HFM1: variants seen among roughly 807,000 people sequenced by gnomAD.
HFM1 encodes helicase for meiosis 1, also known as probable ATP-dependent DNA helicase HFM1.
In HFM1, 169 loss-of-function variants were observed where a neutral mutation model predicts 192.1. The ratio of observed to expected loss-of-function variants is 0.88; its 90% CI spans 0.78 to 1.00. HFM1 has a LOEUF of 1.00. Among genes scored for constraint, HFM1 ranks in the 50% least tolerant of loss-of-function variants. The pLI is 0.00. For synonymous variants in HFM1, 525 were observed against 537.8 expected (o/e 0.98, Z 0.33); for missense variants, 1,661 against 1,668.0 (o/e 1.00, Z 0.07).
At chr1:91,385,165 T>C in intron 6 of HFM1, 22 bp downstream of exon 6, 2 of 1,370,256 alleles carry the variant, frequency 1.5e-6, no homozygotes, top group South Asian at 1.3e-5. Context: ...AAAGCAGCTA[T>C]TGTAAATAAC....
chr1:91,341,626 C>T (rs547138283), intron 20 of HFM1, among the ~76,000 whole-genome samples: 1 of 152,048 alleles, frequency 6.6e-6, no homozygotes, highest in African/African-American at 2.4e-5. Context: ...CAGAACCACA[C>T]AAATGATCAA....
At chr1:91,277,101 C>A (rs773478839) in intron 30 of HFM1, 39 bp from the exon 31 acceptor site, 2 of 1,026,944 alleles carry the variant, frequency 1.9e-6, no homozygotes, top group East Asian at 2.5e-5. Flanking sequence ...TTTGTCACTA[C>A]ATTTATTATT....
chr1:91,316,571 AAT>A, intron 25 of HFM1, 95 bp from the exon 26 acceptor site: 2 of 496,218 alleles, frequency 4.0e-6, no homozygotes, highest in Non-Finnish European at 6.6e-6. Flanking sequence ...AAAAAAAAAA[AAT>A]TTTAAGATCC....
intron 33 of HFM1, 151 bp downstream of exon 33, chr1:91,274,579 A>G (rs111355167): frequency 8.1e-4 from 352 of 434,414 alleles, no homozygotes; most frequent in African/African-American, 6.3e-3. Context: ...AGATAATGAA[A>G]CCATTATGAT....
chr1:91,287,200 T>C (rs1668089843), intron 30 of HFM1, among the ~76,000 whole-genome samples: 1 of 152,194 alleles, frequency 6.6e-6, no homozygotes, highest in Non-Finnish European at 1.5e-5. Context: ...GCTCCACCTC[T>C]GGGGGCAGCG....
intron 4 of HFM1, among the ~76,000 whole-genome samples, chr1:91,393,267 C>T (rs1481721521): frequency 6.6e-6 from 1 of 151,352 alleles, no homozygotes; most frequent in Non-Finnish European, 1.5e-5. Context: ...TTGCTCAATA[C>T]TCTCACTTTC....
chr1:91,384,698 G>A (rs762538313), intron 6 of HFM1, among the ~76,000 whole-genome samples: 9 of 151,336 alleles, frequency 5.9e-5, no homozygotes, highest in African/African-American at 1.2e-4. Context: ...GTCACAAATC[G>A]GCACCAGTCT....
At chr1:91,300,140 AG>A (rs1422289982) in intron 30 of HFM1, among the ~76,000 whole-genome samples, 1 of 152,222 alleles carries the variant, frequency 6.6e-6, no homozygotes, top group East Asian at 1.9e-4. Flanking sequence ...CTACCATCAG[AG>A]AATACTATAA....
chr1:91,281,084 T>A (rs1405160643), intron 30 of HFM1, among the ~76,000 whole-genome samples: 1 of 152,154 alleles, frequency 6.6e-6, no homozygotes, highest in African/African-American at 2.4e-5. Context: ...CGTCACCATA[T>A]AGAGTGTAAT....
At position 91,380,938 on chromosome 1, in the gene HFM1, A is replaced by G. The variant is rs1326699118; in HGVS notation, c.847T>C (p.Tyr283His). ...SIFKEFPYFN[Y>H]IQSKAFDDLL... Reference sequence around the variant, plus strand: ...TCATCAAAGGCCTTGGACTGTATATAGTTGAAATATGGAAATTCTTTGAAA... The same window carrying G: ...TCATCAAAGGCCTTGGACTGTATATGGTTGAAATATGGAAATTCTTTGAAA... The change falls in exon 7 of 39, where the codon TAT (tyrosine) becomes CAT (histidine). Residue 283 changes from tyrosine to histidine, a missense_variant. Transcript: ENST00000370425. The G allele has an allele frequency of 8.2e-6, 12 of 1,462,720 alleles. No individual in the cohort carries two copies. Among genetic ancestry groups the G allele is most frequent in the Non-Finnish European group, 1.1e-5 (12 of 1,044,534 alleles). The allele number at this position is 1,462,720 out of a possible 1,614,324, so 90.6% of individuals were successfully genotyped here. A position where few individuals can be genotyped will look rare whatever the true frequency, so the allele number is the denominator to read the frequency against.
intron 21 of HFM1, among the ~76,000 whole-genome samples, chr1:91,324,369 T>C (rs943050240): frequency 6.6e-6 from 1 of 152,242 alleles, no homozygotes; most frequent in Non-Finnish European, 1.5e-5. Context: ...TATTATTACA[T>C]TGTGTAGCCA....
chr1:91,311,625 CAA>C (rs35661538), intron 30 of HFM1, among the ~76,000 whole-genome samples: 2 of 125,598 alleles, frequency 1.6e-5, no homozygotes, highest in African/African-American at 3.1e-5. Context: ...GACTCCATCT[CAA>C]AAAAAAAAAA....
At chr1:91,293,260 C>A (rs1178324600) in intron 30 of HFM1, among the ~76,000 whole-genome samples, 4 of 152,004 alleles carry the variant, frequency 2.6e-5, no homozygotes, top group African/African-American at 9.6e-5. Flanking sequence ...TCAGAGTGAA[C>A]AGGCAACCTA....
chr1:91,377,831 G>A (rs937994531), intron 11 of HFM1, 194 bp downstream of exon 11: 1 of 570,274 alleles, frequency 1.8e-6, no homozygotes, highest in East Asian at 3.1e-5. Context: ...CACAAAAAAT[G>A]TTTTATTAAA....
chr1:91,378,258 T>C (rs1053989003), intron 10 of HFM1, 75 bp from the exon 11 acceptor site: 13 of 1,284,992 alleles, frequency 1.0e-5, no homozygotes, highest in East Asian at 2.6e-5. Context: ...TATTCAATAA[T>C]ATTAACATTC....
At chr1:91,345,823 CTACA>C (rs748439767) in intron 19 of HFM1, among the ~76,000 whole-genome samples, 1 of 152,098 alleles carries the variant, frequency 6.6e-6, no homozygotes, top group Non-Finnish European at 1.5e-5. Context: ...AGAAAGAATG[CTACA>C]TAGAGAGGCC....
intron 30 of HFM1, among the ~76,000 whole-genome samples, chr1:91,296,160 C>T (rs112440771): frequency 0.019 from 2,821 of 152,250 alleles, 39 homozygotes; most frequent in Middle Eastern, 0.054. Flanking sequence ...ACCTCATGAT[C>T]CGCCCACCTT....
chr1:91,347,302 T>C, intron 19 of HFM1, 127 bp downstream of exon 19: 1 of 480,612 alleles, frequency 2.1e-6, no homozygotes, highest in Non-Finnish European at 3.7e-6. Context: ...ATAGTTCACA[T>C]TATTTTTCTG....
chr1:91,373,203 A>T (rs1179710557), intron 13 of HFM1, among the ~76,000 whole-genome samples: 1 of 151,758 alleles, frequency 6.6e-6, no homozygotes, highest in South Asian at 2.1e-4. Context: ...GGCTTGCTAC[A>T]TATCTTTGGT....
Sources: allele counts gnomAD v4.1 joint callset (sites outside exome capture counted in the v4.1 genomes callset), GRCh38; gene constraint gnomAD v4.1.1; transcripts MANE v1.5; gene names NCBI Gene and HGNC (gene_info 2026-07-23, HGNC 2026-07-21).